NEURL4: variants seen among roughly 807,000 people sequenced by gnomAD.
NEURL4 encodes the protein neuralized-like protein 4.
NEURL4 carries 45 observed loss-of-function variants against 148.0 expected under a neutral mutation model. The ratio of observed to expected loss-of-function variants is 0.30; its 90% CI spans 0.24 to 0.39. NEURL4 has a LOEUF of 0.39. NEURL4 is among the 10% of genes least tolerant of loss of function. NEURL4 has a pLI of 1.00. For synonymous variants in NEURL4, 854 were observed against 869.0 expected (o/e 0.98, Z 0.30); for missense variants, 1,776 against 2,144.0 (o/e 0.83, Z 3.39).
intron 28 of NEURL4, among the ~76,000 whole-genome samples, 179 bp from the exon 29 acceptor site, chr17:7,316,506 C>T (rs1442898159): frequency 6.6e-6 from 1 of 152,236 alleles, no homozygotes; most frequent in Non-Finnish European, 1.5e-5. Flanking sequence ...CAGCTACACC[C>T]TTCACTTCCT....
In NEURL4 at chr17:7,322,355, GC is replaced by G. The variant is rs1447367907; in HGVS notation, c.2726-346del. 6.6e-6 allele frequency among the ~76,000 whole-genome samples: 1 copy of G among 152,044 alleles called. No homozygotes were observed. The highest frequency in any genetic ancestry group is 1.5e-5 in the Non-Finnish European group (1 of 67,998). On this transcript the variant is annotated intron_variant, in intron 16 of 28. Transcript: ENST00000399464. This position sits in a 1 kb window ranked among gnomAD's most constrained non-coding sequence, Gnocchi z 5.5. The stretch of plus-strand genomic sequence containing the variant: ...GTATTTTTGGTACAGACGGGGTTTC[GC>G]CATGTTTCCCAGGCTGGTCTCAAAC...
Position 7,318,433 on chromosome 17 carries a change from C to G in NEURL4, c.3864+62G>C. The G allele has an allele frequency of 6.2e-7, 1 of 1,609,912 alleles. No individual in the cohort carries two copies. The highest frequency in any genetic ancestry group is 1.1e-5 in the South Asian group (1 of 90,720). On this transcript the variant is annotated intron_variant, in intron 23 of 28. Coordinates refer to ENST00000399464, the MANE Select transcript of NEURL4 (RefSeq NM_032442.3). The surrounding 1 kb of genome is among the most constrained non-coding windows in gnomAD (Gnocchi z 4.3). ...TGATCCCTCCCTGGAACAGAGATTT[C>G]CCCTGTCCTGGACAGCGCAGACTCT...
At position 7,323,260 on chromosome 17, in the gene NEURL4, C is replaced by T. The variant is rs2073056453; in HGVS notation, c.2418-137G>A. The T allele has an allele frequency of 7.9e-6, 8 of 1,008,882 alleles. No homozygotes were observed. The South Asian group carries it at 1.1e-4, about 14-fold the overall frequency. The allele number at this position is 1,008,882 out of a possible 1,614,324, so 62.5% of individuals were successfully genotyped here. A position where few individuals can be genotyped will look rare whatever the true frequency, so the allele number is the denominator to read the frequency against. ...CTGGGTGTAAGGCCCAATCCTATCT[C>T]CTCTGTCCCTGGGATCCCCTTAGGA... On this transcript the variant is annotated intron_variant, in intron 14 of 28. Transcript: ENST00000399464.
chr17:7,327,167 T>C lies in NEURL4; in HGVS notation c.791A>G (p.Asn264Ser), dbSNP rs746348454. 4.3e-6 allele frequency: 7 copies of C among 1,612,136 alleles called. No individual in the cohort carries two copies. In the Admixed American group the frequency reaches 5.0e-5, roughly 12 times the overall value. The change falls in exon 3 of 29, where the codon AAT (asparagine) becomes AGT (serine). Residue 264 changes from asparagine to serine, a missense_variant and splice_region_variant. Physicochemically the swap from Asn to Ser is conservative, Grantham distance 46. Transcript: ENST00000399464. This position sits in a 1 kb window ranked among gnomAD's most constrained non-coding sequence, Gnocchi z 6.6. ...ETFPNSLESH[N>S]DFANMELSEV... ...CAGGGCCTCCCCAAAGCCCTCACCA[T>C]TATGCGACTCAAGGCTGTTAGGAAA...
intron 28 of NEURL4, 106 bp downstream of exon 28, chr17:7,317,099 C>T (rs1288077219): frequency 9.7e-6 from 7 of 721,560 alleles, no homozygotes; most frequent in African/African-American, 5.4e-5. Context: ...GCTAGCAAGA[C>T]GAGATGAGAA....
chr17:7,324,722 G>C lies in NEURL4; in HGVS notation c.1813+77C>G. On this transcript the variant is annotated intron_variant, in intron 9 of 28. Transcript: ENST00000399464. This position sits in a 1 kb window ranked among gnomAD's most constrained non-coding sequence, Gnocchi z 5.9. The stretch of plus-strand genomic sequence containing the variant: ...AAGAGTGACAAGTGAAAAAGGAGCT[G>C]CAGAACAAGTGCCAGGGCTTTGGGG... 6.7e-7 allele frequency: 1 copy of C among 1,488,030 alleles called. No homozygotes were observed. Among genetic ancestry groups the C allele is most frequent in the South Asian group, 1.2e-5 (1 of 85,046 alleles). The allele number at this position is 1,488,030 out of a possible 1,614,324, so 92.2% of individuals were successfully genotyped here. A position where few individuals can be genotyped will look rare whatever the true frequency, so the allele number is the denominator to read the frequency against.
Position 7,327,933 on chromosome 17 carries a change from C to A in NEURL4, c.283-49G>T, listed in dbSNP as rs1236673635. ...GGCTTAGAATGGGCCACCCCCCATT[C>A]CACAGGCCACCATATCTTCCCACCT... On this transcript the variant is annotated intron_variant, in intron 1 of 28. Transcript: ENST00000399464. The surrounding 1 kb of genome is among the most constrained non-coding windows in gnomAD (Gnocchi z 6.6). 7.1e-7 allele frequency: 1 copy of A among 1,404,326 alleles called. No individual in the cohort carries two copies. The highest frequency in any genetic ancestry group is 9.6e-7 in the Non-Finnish European group (1 of 1,037,106). 87.0% of individuals were successfully genotyped at this position (1,404,326 alleles called of 1,614,324 possible).
Position 7,326,713 on chromosome 17 carries a change from C to G in NEURL4, c.1090G>C (p.Glu364Gln). The G allele has an allele frequency of 6.2e-7, 1 of 1,609,900 alleles. No individual in the cohort carries two copies. The highest frequency in any genetic ancestry group is 8.5e-7 in the Non-Finnish European group (1 of 1,178,888). The change falls in exon 4 of 29, where the codon GAG becomes CAG. Residue 364 changes from glutamate to glutamine, a missense_variant and splice_region_variant. Physicochemically the swap from Glu to Gln is conservative, Grantham distance 29 (BLOSUM62 2). Coordinates refer to ENST00000399464, the MANE Select transcript of NEURL4 (RefSeq NM_032442.3). The surrounding 1 kb of genome is among the most constrained non-coding windows in gnomAD (Gnocchi z 6.0). ...CCAGACCACAGGACTTTGCACACCT[C>G]AAACATCTCATTGTCCCGAAGGGGG... is the stretch of plus-strand genomic sequence containing the variant. ...NRPLRDNEMF[E>Q]IRIDKLVDKW...
At chr17:7,325,565 G>A in intron 7 of NEURL4, 76 bp downstream of exon 7, 1 of 1,586,086 alleles carries the variant, frequency 6.3e-7, no homozygotes. Flanking sequence ...AAGAGAAGCA[G>A]GAGGATGAGG....
intron 20 of NEURL4, 50 bp from the exon 21 acceptor site, chr17:7,320,973 G>C (rs774486209): frequency 6.2e-7 from 1 of 1,606,324 alleles, no homozygotes; most frequent in Non-Finnish European, 8.5e-7. Flanking sequence ...TGCCAGGACT[G>C]ACCCACCCCA....
Position 7,329,184 on chromosome 17 carries a change from T to C in NEURL4, c.129A>G (p.Glu43=). 1.9e-6 allele frequency: 3 copies of C among 1,585,982 alleles called. No individual in the cohort carries two copies. The highest frequency in any genetic ancestry group is 1.7e-4 in the Middle Eastern group (1 of 5,832). Residue 43 remains glutamate (E), a synonymous_variant, in exon 1 of 29, where the codon GAA becomes GAG. Coordinates refer to ENST00000399464, the MANE Select transcript of NEURL4 (RefSeq NM_032442.3). ...GSNGGLGSGG[E]LHPRTGRLVS... ...CCAAGCGCCCAGTGCGCGGGTGCAG[T>C]TCCCCGCCGCTGCCCAGACCCCCGT...
chr17:7,328,629 CCT>C (rs1173841053), intron 1 of NEURL4, among the ~76,000 whole-genome samples: 2 of 152,182 alleles, frequency 1.3e-5, no homozygotes, highest in African/African-American at 2.4e-5. Context: ...GTCTCAAACC[CCT>C]GACTCTAGTG....
At chr17:7,317,754 A>C (rs899204100) in intron 26 of NEURL4, 34 bp downstream of exon 26, 29 of 1,608,508 alleles carry the variant, frequency 1.8e-5, no homozygotes, top group Non-Finnish European at 2.5e-5. Context: ...GGGGGAAAAC[A>C]GTAGGGGAAA....
chr17:7,323,059 G>A lies in NEURL4; in HGVS notation c.2482C>T (p.Leu828=), dbSNP rs200417009. ...RNNYGCDLDA[L]GTGARIGMMR... ...ATGCCAATGCGTGCACCTGTGCCCAGCGCATCCAGGTCACACCCATAATTG... is the reference window on the plus strand; with the variant it reads ...ATGCCAATGCGTGCACCTGTGCCCAACGCATCCAGGTCACACCCATAATTG... The change falls in exon 15 of 29, where the codon CTG becomes TTG. Residue 828 remains leucine (L), a synonymous_variant. Transcript: ENST00000399464. The A allele has an allele frequency of 3.4e-4, 544 of 1,613,824 alleles. 1 individual carries two copies. The highest frequency in any genetic ancestry group is 1.5e-3 in the Middle Eastern group (9 of 6,062).
chr17:7,324,054 T>C lies in NEURL4; in HGVS notation c.2063-42A>G. On this transcript the variant is annotated intron_variant, in intron 11 of 28. Coordinates refer to ENST00000399464, the MANE Select transcript of NEURL4 (RefSeq NM_032442.3). The surrounding 1 kb of genome is among the most constrained non-coding windows in gnomAD (Gnocchi z 5.9). ...CACCCATCAGGTCTCTAGGTGTCTC[T>C]CAGACCTCCCAAGGCCACCCTAACC... 1.2e-6 allele frequency: 2 copies of C among 1,609,020 alleles called. No homozygotes were observed. Among genetic ancestry groups the C allele is most frequent in the Non-Finnish European group, 1.7e-6 (2 of 1,179,684 alleles).
At position 7,329,060 on chromosome 17, in the gene NEURL4, G is replaced by C; in HGVS notation, c.253C>G (p.Arg85Gly). 6.3e-7 allele frequency: 1 copy of C among 1,594,896 alleles called. No individual in the cohort carries two copies. The highest frequency in any genetic ancestry group is 8.5e-7 in the Non-Finnish European group (1 of 1,170,442). Residue 85 changes from arginine to glycine, a missense_variant, in exon 1 of 29, where the codon CGC becomes GGC. Physicochemically the swap from Arg to Gly is moderately radical, Grantham distance 125. Transcript: ENST00000399464. ...VLSREPLRDG[R>G]VFTVRIDRKV... is the part of the protein sequence containing the mutation. Reference sequence around the variant, plus strand: ...CGGTCGATGCGGACGGTGAAGACGCGTCCATCGCGCAAGGGTTCTCGGCTC... The same window carrying C: ...CGGTCGATGCGGACGGTGAAGACGCCTCCATCGCGCAAGGGTTCTCGGCTC...
rs565264892 is a variant in NEURL4, at chr17:7,324,675, T to A, written c.1813+124A>T. ...ACAGCCCTGCCCACGGGACACTCTC[T>A]AGCCACTGAATGAGTGGTCACAAGA... On this transcript the variant is annotated intron_variant, in intron 9 of 28. Coordinates refer to ENST00000399464, the MANE Select transcript of NEURL4 (RefSeq NM_032442.3). This position sits in a 1 kb window ranked among gnomAD's most constrained non-coding sequence, Gnocchi z 5.9. The A allele has an allele frequency of 8.5e-6, 10 of 1,177,784 alleles. No homozygotes were observed. The South Asian group carries it at 1.2e-4, about 15-fold the overall frequency. The allele number at this position is 1,177,784 out of a possible 1,614,324, so 73.0% of individuals were successfully genotyped here. A position where few individuals can be genotyped will look rare whatever the true frequency, so the allele number is the denominator to read the frequency against.
chr17:7,327,859 T>G lies in NEURL4; in HGVS notation c.308A>C (p.Glu103Ala). 6.2e-7 allele frequency: 1 copy of G among 1,612,174 alleles called. No individual in the cohort carries two copies. The highest frequency in any genetic ancestry group is 8.5e-7 in the Non-Finnish European group (1 of 1,179,352). Reference protein sequence around the residue: ...RKVNSWSGSIEIGVTALDPSV... With the variant: ...RKVNSWSGSIAIGVTALDPSV... ...GGGGTCCAGCGCTGTCACCCCAATC[T>G]CAATGGAGCCGCTCCAGGAGTTGAC... is the stretch of plus-strand genomic sequence containing the variant. The change falls in exon 2 of 29, where the codon GAG (glutamate) becomes GCG (alanine). Residue 103 changes from glutamate (E) to alanine (A), a missense_variant. By Grantham distance (107) the Glu-to-Ala change is moderately radical (BLOSUM62 -1). Coordinates refer to ENST00000399464, the MANE Select transcript of NEURL4 (RefSeq NM_032442.3). This position sits in a 1 kb window ranked among gnomAD's most constrained non-coding sequence, Gnocchi z 6.6.
chr17:7,318,954 T>C lies in NEURL4; in HGVS notation c.3684+96A>G. ...TACTGTTCCCCTTTTACACCTGTGG[T>C]CCTACCTCCAAGGCTAGGGGCCCAC... is the stretch of plus-strand genomic sequence containing the variant. On this transcript the variant is annotated intron_variant, in intron 22 of 28. Transcript: ENST00000399464. This position sits in a 1 kb window ranked among gnomAD's most constrained non-coding sequence, Gnocchi z 4.3. 1 of 1,378,150 alleles carries C rather than the reference T, an allele frequency of 7.3e-7. No individual in the cohort carries two copies. Among genetic ancestry groups the C allele is most frequent in the African/African-American group, 1.4e-5 (1 of 69,014 alleles). The allele number at this position is 1,378,150 out of a possible 1,614,324, so 85.4% of individuals were successfully genotyped here.
Sources: gnomAD v4.1 joint callset for allele counts (sites outside exome capture counted in the v4.1 genomes callset) on GRCh38, gnomAD v4.1.1 for gene constraint, Gnocchi (gnomAD v3.1) non-coding constraint, MANE v1.5 for transcripts, NCBI Gene and HGNC (gene_info 2026-07-23, HGNC 2026-07-21) for gene names.